CEP55: variants seen among roughly 807,000 people sequenced by gnomAD.
The protein encoded by CEP55 is centrosomal protein of 55 kDa.
CEP55 carries 57 observed loss-of-function variants against 63.2 expected under a neutral mutation model. The observed-to-expected ratio is 0.90, with a 90% CI of 0.73 to 1.13. The LOEUF (loss-of-function observed/expected upper bound fraction) is 1.13. CEP55 is among the 50% of genes most tolerant of loss of function. CEP55 has a pLI of 0.00. For missense variants in CEP55, 456 were observed against 518.9 expected (o/e 0.88, Z 1.18); for synonymous variants, 178 against 191.6 (o/e 0.93, Z 0.59).
At chr10:93,500,954 CT>C (rs2057629435) in intron 2 of CEP55, among the ~76,000 whole-genome samples, 1 of 152,034 alleles carries the variant, frequency 6.6e-6, no homozygotes, top group South Asian at 2.1e-4. Context: ...TACTAAATTA[CT>C]CGTTGATGTA....
chr10:93,517,239 C>T lies in CEP55; in HGVS notation c.984C>T (p.Leu328=). The T allele has an allele frequency of 6.3e-7, 1 of 1,592,718 alleles. No individual in the cohort carries two copies. The highest frequency in any genetic ancestry group is 8.5e-7 in the Non-Finnish European group (1 of 1,170,300). The change falls in exon 6 of 9, where the codon CTC becomes CTT. Residue 328 remains leucine (L), a synonymous_variant. Coordinates refer to ENST00000371485, the MANE Select transcript of CEP55 (RefSeq NM_018131.5). ...AAGAGAAGAAGAGATCCGAAGAGCTCTTATCTCAGGTAAACTTAACCAGAT... is the reference window on the plus strand; with the variant it reads ...AAGAGAAGAAGAGATCCGAAGAGCTTTTATCTCAGGTAAACTTAACCAGAT... ...LEEEKKRSEE[L]LSQVQFLYTS...
At chr10:93,497,283 T>A (rs963565778) in intron 1 of CEP55, among the ~76,000 whole-genome samples, 1 of 152,190 alleles carries the variant, frequency 6.6e-6, no homozygotes, top group African/African-American at 2.4e-5. Flanking sequence ...TCTTTTTTTT[T>A]GAGATGGAGT....
chr10:93,501,325 A>G (rs1201943996), intron 2 of CEP55, among the ~76,000 whole-genome samples: 1 of 152,234 alleles, frequency 6.6e-6, no homozygotes, highest in African/African-American at 2.4e-5. Flanking sequence ...TAAAAATGTA[A>G]TCATAAATAT....
At chr10:93,519,863 A>C in intron 8 of CEP55, 56 bp downstream of exon 8, 1 of 1,591,450 alleles carries the variant, frequency 6.3e-7, no homozygotes, top group Non-Finnish European at 8.6e-7. Flanking sequence ...TATATACCAA[A>C]TCAGTTCCGA....
Position 93,528,583 on chromosome 10 carries a change from C to T in CEP55, c.*430C>T, listed in dbSNP as rs1191088203. On this transcript the variant is annotated 3_prime_UTR_variant, in exon 9 of 9. Coordinates refer to ENST00000371485, the MANE Select transcript of CEP55 (RefSeq NM_018131.5). ...CCAAGCACTTAGAAAACCTACAATCCTAATTTTGATGTCCATTGTTAAGAG... is the reference window on the plus strand; with the variant it reads ...CCAAGCACTTAGAAAACCTACAATCTTAATTTTGATGTCCATTGTTAAGAG... The T allele has an allele frequency of 6.0e-6, 1 of 165,480 alleles. No homozygotes were observed. The highest frequency in any genetic ancestry group is 1.3e-5 in the Non-Finnish European group (1 of 76,668). 10.3% of individuals were successfully genotyped at this position (165,480 alleles called of 1,614,324 possible).
At chr10:93,520,121 G>A in intron 8 of CEP55, 1 of 338,424 alleles carries the variant, frequency 3.0e-6, no homozygotes, top group Non-Finnish European at 5.6e-6. Context: ...CTGAAATTGT[G>A]TTTATCTATT....
At chr10:93,519,571 A>G (rs1564768012) in intron 7 of CEP55, 111 bp from the exon 8 acceptor site, 2 of 1,224,212 alleles carry the variant, frequency 1.6e-6, no homozygotes, top group Non-Finnish European at 2.3e-6. Context: ...TCTTGCTACG[A>G]TGGTACAATA....
intron 3 of CEP55, among the ~76,000 whole-genome samples, chr10:93,506,686 G>A (rs1458329963): frequency 6.6e-6 from 1 of 152,136 alleles, no homozygotes; most frequent in Non-Finnish European, 1.5e-5. Flanking sequence ...TCCTGCCTCA[G>A]CCTCCCGTGT....
At chr10:93,525,445 A>G (rs2057911954) in intron 8 of CEP55, among the ~76,000 whole-genome samples, 1 of 152,228 alleles carries the variant, frequency 6.6e-6, no homozygotes, top group Non-Finnish European at 1.5e-5. Context: ...GAGGATACAA[A>G]CAAATGGAAG....
Position 93,509,468 on chromosome 10 carries a change from C to CATTATTATT in CEP55, c.528+2437_528+2445dup, listed in dbSNP as rs10606106. On this transcript the variant is annotated intron_variant, in intron 4 of 8. Transcript: ENST00000371485. Reference sequence around the variant, plus strand: ...TGGACCACGCTTTGAGAACCATTAACATTATTATTATTATTATTATTATTA... The same window carrying CATTATTATT: ...TGGACCACGCTTTGAGAACCATTAACATTATTATTATTATTATTATTATTATTATTATTA... 5.4e-3 allele frequency among the ~76,000 whole-genome samples: 793 copies of CATTATTATT among 147,224 alleles called. 5 individuals are homozygous for CATTATTATT. Among genetic ancestry groups the CATTATTATT allele is most frequent in the African/African-American group, 0.017 (673 of 39,824 alleles).
In CEP55 at chr10:93,528,527, C is replaced by A; in HGVS notation, c.*374C>A. On this transcript the variant is annotated 3_prime_UTR_variant, in exon 9 of 9. Coordinates refer to ENST00000371485, the MANE Select transcript of CEP55 (RefSeq NM_018131.5). Reference sequence around the variant, plus strand: ...TTTTGAAAAATCAAAGATAATTAACCAAGGATCTTAACTGTGTTCGCATTT... The same window carrying A: ...TTTTGAAAAATCAAAGATAATTAACAAAGGATCTTAACTGTGTTCGCATTT... The A allele has an allele frequency of 5.1e-6, 1 of 195,876 alleles. No homozygotes were observed. Among genetic ancestry groups the A allele is most frequent in the Non-Finnish European group, 1.0e-5 (1 of 96,046 alleles). 12.1% of individuals were successfully genotyped at this position (195,876 alleles called of 1,614,324 possible).
intron 5 of CEP55, 29 bp downstream of exon 5, chr10:93,515,584 G>C: frequency 1.3e-6 from 2 of 1,539,688 alleles, no homozygotes; most frequent in Middle Eastern, 1.7e-4. Flanking sequence ...ATGTTCTCTA[G>C]GGATAGGCCT....
intron 8 of CEP55, among the ~76,000 whole-genome samples, chr10:93,522,378 G>T (rs1380368893): frequency 6.6e-6 from 1 of 152,114 alleles, no homozygotes; most frequent in Non-Finnish European, 1.5e-5. Context: ...GAGAAGAGAA[G>T]TTTTGAGAAA....
At chr10:93,516,069 A>G (rs933257957) in intron 5 of CEP55, among the ~76,000 whole-genome samples, 1 of 152,180 alleles carries the variant, frequency 6.6e-6, no homozygotes, top group Non-Finnish European at 1.5e-5. Context: ...TTTTAGAGCA[A>G]CCCTAAGAGG....
chr10:93,515,423 C>T lies in CEP55; in HGVS notation c.547C>T (p.Gln183Ter). 6.2e-7 allele frequency: 1 copy of T among 1,600,492 alleles called. No homozygotes were observed. The highest frequency in any genetic ancestry group is 8.5e-7 in the Non-Finnish European group (1 of 1,169,864). Reference sequence around the variant, plus strand: ...CATTAAGGCTCTGGAGAAAAATCAGCAGTGGCTCGTGTATGATCAGCAGCG... The same window carrying T: ...CATTAAGGCTCTGGAGAAAAATCAGTAGTGGCTCGTGTATGATCAGCAGCG... The part of the protein sequence containing the change: ...QLKDALEKNQ[Q>*]WLVYDQQREV... Residue 183 changes from glutamine (Q) to a stop codon, truncating the protein, a stop_gained, in exon 5 of 9, where the codon CAG becomes TAG. Coordinates refer to ENST00000371485, the MANE Select transcript of CEP55 (RefSeq NM_018131.5). LOFTEE classifies it high-confidence loss of function.
At chr10:93,501,716 C>A (rs1404986938) in intron 2 of CEP55, among the ~76,000 whole-genome samples, 2 of 151,902 alleles carry the variant, frequency 1.3e-5, no homozygotes, top group Non-Finnish European at 2.9e-5. Flanking sequence ...AACAGTATAC[C>A]ATTTGATTTA....
chr10:93,506,693 G>A (rs1010681773), intron 3 of CEP55, among the ~76,000 whole-genome samples: 2 of 152,050 alleles, frequency 1.3e-5, no homozygotes, highest in African/African-American at 4.8e-5. Flanking sequence ...TCAGCCTCCC[G>A]TGTAGCTGGG....
rs577106945 is a variant in CEP55 at position 93,515,677 on chromosome 10, G to A, written c.679+122G>A. On this transcript the variant is annotated intron_variant, in intron 5 of 8. Coordinates refer to ENST00000371485, the MANE Select transcript of CEP55 (RefSeq NM_018131.5). ...AAGTAAAATAAGAGCAAGTCTTATA[G>A]CCCTGAAGTAAGAAATACCATTTTT... is the stretch of plus-strand genomic sequence containing the variant. 2.0e-5 allele frequency: 20 copies of A among 977,150 alleles called. 1 individual carries two copies. Among genetic ancestry groups the A allele is most frequent in the African/African-American group, 2.0e-4 (12 of 61,362 alleles). The allele number at this position is 977,150 out of a possible 1,614,324, so 60.5% of individuals were successfully genotyped here.
intron 2 of CEP55, among the ~76,000 whole-genome samples, chr10:93,502,262 C>G (rs2057643413): frequency 6.6e-6 from 1 of 152,156 alleles, no homozygotes; most frequent in African/African-American, 2.4e-5. Flanking sequence ...GGATACTGTA[C>G]TCCATTAAAG....
Sources: allele counts gnomAD v4.1 joint callset (sites outside exome capture counted in the v4.1 genomes callset), GRCh38; gene constraint gnomAD v4.1.1; transcripts MANE v1.5; gene names NCBI Gene and HGNC (gene_info 2026-07-23, HGNC 2026-07-21).